DYM: variants seen among roughly 807,000 people sequenced by gnomAD.
The protein encoded by DYM is dyggve-Melchior-Clausen syndrome protein.
A neutral mutation model predicts 93.1 loss-of-function variants in DYM; 78 were observed. That is an observed-to-expected ratio of 0.84 (90% CI 0.70 to 1.01). The LOEUF (loss-of-function observed/expected upper bound fraction) is 1.01. Ranked by LOEUF, DYM falls within the 50% of genes least tolerant of loss-of-function variation. The probability of loss-of-function intolerance (pLI) is 0.00; values close to 1 mark genes in which losing one functional copy is unlikely to be tolerated. For missense variants in DYM, 789 were observed against 845.0 expected (o/e 0.93, Z 0.82); for synonymous variants, 321 against 319.7 (o/e 1.00, Z -0.04).
At chr18:49,198,988 A>T (rs1373809859) in intron 14 of DYM, among the ~76,000 whole-genome samples, 18 of 152,160 alleles carry the variant, frequency 1.2e-4, no homozygotes, top group Admixed American at 9.2e-4. Context: ...CAAATGTCCA[A>T]CAATGATAGA....
Position 49,100,266 on chromosome 18 carries a change from C to T in DYM, c.1912-2751G>A, listed in dbSNP as rs143051325. ...GTGCAATCTCTGGGGCATGTGGAGCCATCCGCTTTGATAATCACTAATCGA... is the reference window on the plus strand; with the variant it reads ...GTGCAATCTCTGGGGCATGTGGAGCTATCCGCTTTGATAATCACTAATCGA... On this transcript the variant is annotated intron_variant, in intron 16 of 17. Coordinates refer to ENST00000675505, the MANE Select transcript of DYM (RefSeq NM_001353214.3). Among the ~76,000 whole-genome samples, 600 of 152,204 alleles carry T rather than the reference C, an allele frequency of 3.9e-3. 2 individuals are homozygous for T. Among genetic ancestry groups the T allele is most frequent in the Non-Finnish European group, 6.1e-3 (417 of 68,000 alleles).
chr18:49,176,606 G>C (rs2089412429), intron 14 of DYM, among the ~76,000 whole-genome samples: 1 of 143,192 alleles, frequency 7.0e-6, no homozygotes, highest in Non-Finnish European at 1.5e-5. Flanking sequence ...GCAGAGATGA[G>C]GTCTTGCCTT....
intron 14 of DYM, among the ~76,000 whole-genome samples, chr18:49,173,583 T>C (rs1372861871): frequency 6.6e-6 from 1 of 152,114 alleles, no homozygotes; most frequent in Non-Finnish European, 1.5e-5. Flanking sequence ...AATTACTGAT[T>C]GTTCATAGCA....
intron 1 of DYM, 68 bp downstream of exon 1, chr18:49,460,330 G>C (rs1355978322): frequency 6.6e-6 from 1 of 152,154 alleles, no homozygotes; most frequent in Admixed American, 6.5e-5. Context: ...GACCCCCTCT[G>C]ACAGGAGGCC....
At chr18:49,283,133 T>A (rs2095032147) in intron 9 of DYM, among the ~76,000 whole-genome samples, 1 of 152,210 alleles carries the variant, frequency 6.6e-6, no homozygotes, top group Non-Finnish European at 1.5e-5. Context: ...TTCTAAATTG[T>A]ATCAATCCAA....
At chr18:49,331,337 C>A (rs912798206) in intron 8 of DYM, among the ~76,000 whole-genome samples, 1 of 152,206 alleles carries the variant, frequency 6.6e-6, no homozygotes, top group Admixed American at 6.5e-5. Flanking sequence ...TAGGGAAGAG[C>A]TTTCTTCACT....
At position 49,097,463 on chromosome 18, in the gene DYM, A is replaced by G; in HGVS notation, c.1964T>C (p.Val655Ala). Residue 655 changes from valine (V) to alanine (A), a missense_variant, in exon 17 of 18, where the codon GTG (valine) becomes GCG (alanine). This residue lies in a region of DYM where 114 missense variants were observed against 105.8 expected (regional missense o/e 1.08). Coordinates refer to ENST00000675505, the MANE Select transcript of DYM (RefSeq NM_001353214.3). Reference sequence around the variant, plus strand: ...CTTAATGATTTCCAGGACCCGTTCCACTGACAGCTCAGCTCCAGCTTGCAG... The same window carrying G: ...CTTAATGATTTCCAGGACCCGTTCCGCTGACAGCTCAGCTCCAGCTTGCAG... ...RLLQAGAELS[V>A]ERVLEIIKQG... is the part of the protein sequence containing the mutation. The G allele has an allele frequency of 6.2e-7, 1 of 1,614,062 alleles. No individual in the cohort carries two copies. The highest frequency in any genetic ancestry group is 2.2e-5 in the East Asian group (1 of 44,890).
At chr18:49,088,064 T>C (rs2078710809) in intron 17 of DYM, among the ~76,000 whole-genome samples, 1 of 152,030 alleles carries the variant, frequency 6.6e-6, no homozygotes, top group Non-Finnish European at 1.5e-5. Context: ...ATTCTGTAGG[T>C]TGCCTGTTCA....
chr18:49,391,408 A>T, intron 3 of DYM, 185 bp downstream of exon 3: 3 of 614,828 alleles, frequency 4.9e-6, no homozygotes, highest in Non-Finnish European at 9.0e-6. Context: ...ATAGCCAAGC[A>T]TGTGTCATAT....
chr18:49,189,237 A>C (rs974466318), intron 14 of DYM, among the ~76,000 whole-genome samples: 2 of 152,232 alleles, frequency 1.3e-5, no homozygotes, highest in African/African-American at 4.8e-5. Context: ...CGGGATCAAC[A>C]GAAGTCCAAA....
intron 8 of DYM, among the ~76,000 whole-genome samples, chr18:49,305,257 A>T (rs1410140097): frequency 2.0e-5 from 3 of 151,948 alleles, no homozygotes; most frequent in East Asian, 3.9e-4. Flanking sequence ...CCAACTCTCC[A>T]CCTACTCCAT....
intron 3 of DYM, among the ~76,000 whole-genome samples, chr18:49,382,826 C>T (rs1395364804): frequency 1.3e-5 from 2 of 152,162 alleles, no homozygotes; most frequent in Non-Finnish European, 2.9e-5. Context: ...GGGAATGCCC[C>T]CATCCCTACA....
At chr18:49,205,347 T>C (rs979857428) in intron 14 of DYM, among the ~76,000 whole-genome samples, 1 of 152,298 alleles carries the variant, frequency 6.6e-6, no homozygotes, top group Admixed American at 6.5e-5. Context: ...GAGAAATGTG[T>C]TTTTGTGTGA....
chr18:49,157,362 T>C (rs1243334245), intron 15 of DYM, among the ~76,000 whole-genome samples: 1 of 152,156 alleles, frequency 6.6e-6, no homozygotes, highest in African/African-American at 2.4e-5. Context: ...CTCCCACACA[T>C]AGGCAGCATG....
intron 17 of DYM, among the ~76,000 whole-genome samples, chr18:49,069,719 A>G (rs2076735112): frequency 6.6e-6 from 1 of 152,092 alleles, no homozygotes; most frequent in South Asian, 2.1e-4. Context: ...TCTATTATGG[A>G]CTTGGGAACC....
intron 13 of DYM, among the ~76,000 whole-genome samples, chr18:49,234,233 T>C (rs924279699): frequency 1.3e-5 from 2 of 152,068 alleles, no homozygotes; most frequent in African/African-American, 4.8e-5. Context: ...GGTAGGAGGA[T>C]TGCTTGAGTC....
chr18:49,161,377 TG>T (rs1340910436), intron 15 of DYM, among the ~76,000 whole-genome samples: 4 of 152,246 alleles, frequency 2.6e-5, no homozygotes, highest in Non-Finnish European at 4.4e-5. Flanking sequence ...TAAAGAAGAA[TG>T]CTACTAAGGC....
chr18:49,084,641 T>C (rs2078339132), intron 17 of DYM, among the ~76,000 whole-genome samples: 1 of 152,190 alleles, frequency 6.6e-6, no homozygotes, highest in Non-Finnish European at 1.5e-5. Context: ...AGCTCAAAAT[T>C]TGAAATAATC....
intron 14 of DYM, among the ~76,000 whole-genome samples, chr18:49,199,349 C>A (rs1435441697): frequency 6.6e-6 from 1 of 152,086 alleles, no homozygotes; most frequent in Non-Finnish European, 1.5e-5. Flanking sequence ...GCACGTTGTG[C>A]CCATGTACCC....
Sources: gnomAD v4.1 joint callset for allele counts (sites outside exome capture counted in the v4.1 genomes callset) on GRCh38, gnomAD v4.1.1 for gene constraint, gnomAD v4.1.1 regional missense constraint, MANE v1.5 for transcripts, NCBI Gene and HGNC (gene_info 2026-07-23, HGNC 2026-07-21) for gene names.